Variants in THSD7B observed in about 807,000 individuals in gnomAD.
THSD7B encodes the protein thrombospondin type-1 domain-containing protein 7B.
Under a neutral mutation model 213.6 loss-of-function variants are expected in THSD7B, and 138 were observed. The observed-to-expected ratio is 0.65, with a 90% confidence interval of 0.56 to 0.74. The LOEUF (loss-of-function observed/expected upper bound fraction) is 0.74, where lower values mean the gene tolerates loss of function less well. Ranked by LOEUF, THSD7B falls within the 30% of genes least tolerant of loss-of-function variation. The pLI is 0.00. For synonymous variants in THSD7B, 742 were observed against 687.0 expected, an observed-to-expected ratio of 1.08 and a Z score of -1.25; for missense variants, 1,931 against 1,991.5, an observed-to-expected ratio of 0.97 and a Z score of 0.58.
intron 12 of THSD7B, among the ~76,000 whole-genome samples, chr2:137,356,370 C>T (rs1391339786): frequency 6.6e-6 from 1 of 152,108 alleles, no homozygotes; most frequent in Non-Finnish European, 1.5e-5. Flanking sequence ...TTCTCAAACA[C>T]CAAGCATCAG....
chr2:137,611,319 A>G (rs886651729), intron 17 of THSD7B, among the ~76,000 whole-genome samples: 1 of 152,064 alleles, frequency 6.6e-6, no homozygotes, highest in Admixed American at 6.6e-5. Context: ...GATGTTTACT[A>G]TGCTATGCCC....
intron 17 of THSD7B, among the ~76,000 whole-genome samples, chr2:137,595,892 G>T (rs965010428): frequency 6.6e-6 from 1 of 151,712 alleles, no homozygotes; most frequent in Non-Finnish European, 1.5e-5. Flanking sequence ...TCATTAAATA[G>T]TATATTTTTG....
At chr2:136,835,034 A>G (rs35118411) in intron 1 of THSD7B, among the ~76,000 whole-genome samples, 29,874 of 152,158 alleles carry the variant, frequency 0.2, 3,353 homozygotes, top group Non-Finnish European at 0.25. Flanking sequence ...TATTTTGAAT[A>G]GTGGAGCCAA....
chr2:137,404,474 T>TATACACACACACAC (rs1306580538), intron 12 of THSD7B, among the ~76,000 whole-genome samples: 2 of 40,260 alleles, frequency 5.0e-5, no homozygotes, highest in African/African-American at 1.3e-4. Context: ...TATATATATA[T>TATACACACACACAC]ACACACACAC....
intron 20 of THSD7B, among the ~76,000 whole-genome samples, chr2:137,629,825 A>G (rs1391836698): frequency 2.0e-5 from 3 of 152,168 alleles, no homozygotes; most frequent in African/African-American, 7.2e-5. Flanking sequence ...TATTTGGGGC[A>G]GGATGGTGCC....
At chr2:137,514,993 G>T (rs913656070) in intron 15 of THSD7B, among the ~76,000 whole-genome samples, 8 of 152,140 alleles carry the variant, frequency 5.3e-5, no homozygotes, top group African/African-American at 1.9e-4. Context: ...TGCTAAGATT[G>T]CCCTGAGTGA....
At chr2:136,859,461 A>C (rs1449834043) in intron 1 of THSD7B, among the ~76,000 whole-genome samples, 1 of 152,232 alleles carries the variant, frequency 6.6e-6, no homozygotes, top group Non-Finnish European at 1.5e-5. Context: ...TTTAACAAGC[A>C]CTGTGCTGAT....
chr2:137,346,615 T>C (rs1385672993), intron 12 of THSD7B, among the ~76,000 whole-genome samples: 1 of 151,766 alleles, frequency 6.6e-6, no homozygotes, highest in African/African-American at 2.4e-5. Context: ...TTACAGTTCT[T>C]CCAGAGTGCT....
intron 1 of THSD7B, among the ~76,000 whole-genome samples, chr2:136,878,194 G>C (rs1192886458): frequency 6.6e-6 from 1 of 152,138 alleles, no homozygotes; most frequent in Non-Finnish European, 1.5e-5. Context: ...CCTTGCAATA[G>C]TTTGCTGAGA....
At chr2:137,198,916 G>A (rs1281058184) in intron 7 of THSD7B, among the ~76,000 whole-genome samples, 69 of 152,140 alleles carry the variant, frequency 4.5e-4, no homozygotes, top group Admixed American at 4.5e-3. Flanking sequence ...GGACAAAATT[G>A]TCATTATTTT....
chr2:137,261,810 A>G (rs1412475112), intron 10 of THSD7B, among the ~76,000 whole-genome samples: 1 of 151,800 alleles, frequency 6.6e-6, no homozygotes, highest in Admixed American at 6.6e-5. Context: ...AAATTTTAAT[A>G]TGACAACTGA....
At chr2:137,410,613 T>C (rs1480329891) in intron 13 of THSD7B, among the ~76,000 whole-genome samples, 1 of 152,112 alleles carries the variant, frequency 6.6e-6, no homozygotes. Flanking sequence ...TGGCAGACCA[T>C]AGAGCCAATC....
At chr2:137,218,973 T>C (rs904544811) in intron 7 of THSD7B, among the ~76,000 whole-genome samples, 1 of 107,626 alleles carries the variant, frequency 9.3e-6, no homozygotes, top group Non-Finnish European at 2.0e-5. Flanking sequence ...TTTTTTCAAC[T>C]GAGTTTGTGA....
At chr2:136,918,229 T>A (rs1171319256) in intron 2 of THSD7B, among the ~76,000 whole-genome samples, 1 of 152,202 alleles carries the variant, frequency 6.6e-6, no homozygotes, top group African/African-American at 2.4e-5. Context: ...GTGTTAGAAC[T>A]AGAACTTAGG....
At chr2:137,280,455 T>C (rs1437108129) in intron 12 of THSD7B, among the ~76,000 whole-genome samples, 1 of 152,196 alleles carries the variant, frequency 6.6e-6, no homozygotes, top group Non-Finnish European at 1.5e-5. Context: ...CTTGTTTTAC[T>C]TCATTATGCA....
chr2:137,121,999 G>GA (rs1688554829), intron 5 of THSD7B, among the ~76,000 whole-genome samples: 1 of 152,150 alleles, frequency 6.6e-6, no homozygotes, highest in Non-Finnish European at 1.5e-5. Flanking sequence ...CTGAGTGAGG[G>GA]AAATGGCCTG....
chr2:137,414,875 G>A (rs1355653784), intron 14 of THSD7B, among the ~76,000 whole-genome samples: 1 of 151,890 alleles, frequency 6.6e-6, no homozygotes, highest in Non-Finnish European at 1.5e-5. Flanking sequence ...GGCCAACATG[G>A]CAAAACCCCA....
chr2:137,384,852 C>T (rs1685856512), intron 12 of THSD7B, among the ~76,000 whole-genome samples: 1 of 152,056 alleles, frequency 6.6e-6, no homozygotes, highest in Admixed American at 6.5e-5. Flanking sequence ...GAAGATTCTA[C>T]CCTGGAACTC....
At chr2:137,664,684 A>C (rs1445335345) in intron 26 of THSD7B, among the ~76,000 whole-genome samples, 1 of 152,204 alleles carries the variant, frequency 6.6e-6, no homozygotes, top group Admixed American at 6.5e-5. Context: ...TATCAGTTTC[A>C]CACCACCAGC....
Sources: allele counts gnomAD v4.1 joint callset (sites outside exome capture counted in the v4.1 genomes callset), GRCh38; gene constraint gnomAD v4.1.1; transcripts MANE v1.5; gene names NCBI Gene and HGNC (gene_info 2026-07-23, HGNC 2026-07-21).